The following CMTM7 variants were observed in gnomAD, a reference collection of about 807,000 sequenced individuals.
The protein encoded by CMTM7 is CKLF like MARVEL transmembrane domain containing 7.
In CMTM7, 7 loss-of-function variants were observed where a neutral mutation model predicts 19.3. The observed-to-expected ratio is 0.36, with a 90% CI of 0.21 to 0.68. The LOEUF (loss-of-function observed/expected upper bound fraction) is 0.68, where lower values mean the gene tolerates loss of function less well. Ranked by LOEUF, CMTM7 falls within the 30% of genes least tolerant of loss-of-function variation. CMTM7 has a pLI of 0.60. For missense variants in CMTM7, 193 were observed against 232.6 expected (o/e 0.83, Z 1.11); for synonymous variants, 87 against 99.3 (o/e 0.88, Z 0.74).
intron 1 of CMTM7, among the ~76,000 whole-genome samples, chr3:32,434,606 CTTT>C (rs56672577): frequency 0.014 from 800 of 57,680 alleles, 9 homozygotes; most frequent in African/African-American, 0.044. Flanking sequence ...CTTTTCTTTT[CTTT>C]TTTTTTTTTT....
chr3:32,394,986 G>A (rs929914382), intron 1 of CMTM7, among the ~76,000 whole-genome samples: 2 of 151,190 alleles, frequency 1.3e-5, no homozygotes, highest in African/African-American at 4.9e-5. Flanking sequence ...GTGAGCTGCC[G>A]CGCTCGGCTA....
At chr3:32,407,970 A>G (rs1002803196) in intron 1 of CMTM7, among the ~76,000 whole-genome samples, 1 of 152,150 alleles carries the variant, frequency 6.6e-6, no homozygotes, top group Non-Finnish European at 1.5e-5. Context: ...TACTTGGAAA[A>G]ACCGTCTTCT....
chr3:32,426,105 A>G (rs1696428579), intron 1 of CMTM7, among the ~76,000 whole-genome samples: 1 of 152,206 alleles, frequency 6.6e-6, no homozygotes, highest in Non-Finnish European at 1.5e-5. Flanking sequence ...AGATCGCACC[A>G]TTGCACTCCA....
At chr3:32,453,594 G>A (rs1696867673) in intron 4 of CMTM7, among the ~76,000 whole-genome samples, 1 of 152,130 alleles carries the variant, frequency 6.6e-6, no homozygotes, top group African/African-American at 2.4e-5. Context: ...CCCATGTAGT[G>A]TAGGATTCCA....
intron 1 of CMTM7, among the ~76,000 whole-genome samples, chr3:32,433,978 A>G (rs1287698614): frequency 6.6e-6 from 1 of 152,076 alleles, no homozygotes; most frequent in Non-Finnish European, 1.5e-5. Flanking sequence ...ACCTGAGGTC[A>G]GGAGTTTGAG....
In CMTM7 at chr3:32,417,284, AG is replaced by A. The variant is rs1393025130; in HGVS notation, c.160-24555del. Among the ~76,000 whole-genome samples, 33 of 152,316 alleles carry A rather than the reference AG, an allele frequency of 2.2e-4. 1 individual carries two copies. In the Middle Eastern group the frequency reaches 0.017, roughly 78 times the overall value. On this transcript the variant is annotated intron_variant, in intron 1 of 4. Transcript: ENST00000334983. The stretch of plus-strand genomic sequence containing the variant: ...CCATTGATCTGTCTTCCATCCCTAT[AG>A]TTTTACTGTTTCCAGAATGTCGTAT...
intron 1 of CMTM7, 150 bp from the exon 2 acceptor site, chr3:32,441,690 C>A: frequency 1.5e-6 from 1 of 667,836 alleles, no homozygotes; most frequent in Non-Finnish European, 2.6e-6. Context: ...TCCAACCTTC[C>A]AGCCAGTGTG....
intron 1 of CMTM7, among the ~76,000 whole-genome samples, chr3:32,401,626 ACAGCCAT>A: frequency 6.6e-6 from 1 of 152,214 alleles, no homozygotes; most frequent in South Asian, 2.1e-4. Flanking sequence ...GCGCCACTGG[ACAGCCAT>A]CTGTTTCCTC....
At chr3:32,410,782 G>A (rs534503028) in intron 1 of CMTM7, among the ~76,000 whole-genome samples, 1 of 152,144 alleles carries the variant, frequency 6.6e-6, no homozygotes, top group Non-Finnish European at 1.5e-5. Flanking sequence ...GAGTTGACAG[G>A]TTTCGACAGA....
intron 1 of CMTM7, among the ~76,000 whole-genome samples, chr3:32,416,380 T>C (rs1696264503): frequency 2.0e-5 from 2 of 98,544 alleles, no homozygotes; most frequent in African/African-American, 4.2e-5. Context: ...TTTTTTTTTT[T>C]TTTTTTTTTT....
At chr3:32,420,768 G>A (rs1378080135) in intron 1 of CMTM7, among the ~76,000 whole-genome samples, 1 of 152,210 alleles carries the variant, frequency 6.6e-6, no homozygotes, top group East Asian at 1.9e-4. Context: ...CTGGGGAGTT[G>A]TTCCTCAGAA....
At chr3:32,439,732 C>T (rs1012762849) in intron 1 of CMTM7, among the ~76,000 whole-genome samples, 2 of 152,206 alleles carry the variant, frequency 1.3e-5, no homozygotes, top group African/African-American at 4.8e-5. Flanking sequence ...GGATTGCAGG[C>T]GTGAGCCTGG....
chr3:32,421,082 C>A (rs1696336086), intron 1 of CMTM7, among the ~76,000 whole-genome samples: 1 of 151,838 alleles, frequency 6.6e-6, no homozygotes, highest in African/African-American at 2.4e-5. Flanking sequence ...CACCCAGCTC[C>A]TCTCCCTTTT....
chr3:32,411,299 AAGAACTCTTTTAGATT>A (rs1241419976), intron 1 of CMTM7, among the ~76,000 whole-genome samples: 2 of 152,242 alleles, frequency 1.3e-5, no homozygotes, highest in Non-Finnish European at 2.9e-5. Flanking sequence ...TGCTTATTGA[AAGAACTCTTTTAGATT>A]TAATTAAATA....
At chr3:32,448,565 A>G (rs1424649038) in intron 2 of CMTM7, among the ~76,000 whole-genome samples, 1 of 152,194 alleles carries the variant, frequency 6.6e-6, no homozygotes, top group East Asian at 1.9e-4. Flanking sequence ...GGGGAAGAGA[A>G]AGGGTGAGAT....
rs752372954 is a variant in CMTM7, at chr3:32,454,284, G to C, written c.*30G>C. 3 of 1,613,934 alleles carry C rather than the reference G, an allele frequency of 1.9e-6. No individual in the cohort carries two copies. The highest frequency in any genetic ancestry group is 2.5e-6 in the Non-Finnish European group (3 of 1,179,872). ...GCCACAACCCCTAGGCCCCTCAGGA[G>C]CTTTGCAGAGAGGAGGACGTGTACT... On this transcript the variant is annotated 3_prime_UTR_variant, in exon 5 of 5. Transcript: ENST00000334983.
At chr3:32,415,010 G>A (rs1334764285) in intron 1 of CMTM7, among the ~76,000 whole-genome samples, 1 of 152,042 alleles carries the variant, frequency 6.6e-6, no homozygotes, top group Non-Finnish European at 1.5e-5. Context: ...CTTCTGTAGA[G>A]GCCAAGGTTG....
intron 1 of CMTM7, among the ~76,000 whole-genome samples, chr3:32,416,663 T>G (rs939039367): frequency 1.3e-5 from 2 of 152,142 alleles, no homozygotes; most frequent in African/African-American, 4.8e-5. Context: ...GTGCTGGGAT[T>G]ACAGGCGTGA....
rs145743710 is a variant in CMTM7 at position 32,425,522 on chromosome 3, T to G, written c.160-16318T>G. Among the ~76,000 whole-genome samples the G allele has an allele frequency of 4.3e-4, 66 of 152,146 alleles. No homozygotes were observed. In the East Asian group the frequency reaches 0.012, roughly 28 times the overall value. ...AAAAAAAAAATAAAAGAGCATTTAA[T>G]GTATTTTCTAAATTTTTCCCATTTG... On this transcript the variant is annotated intron_variant, in intron 1 of 4. Coordinates refer to ENST00000334983, the MANE Select transcript of CMTM7 (RefSeq NM_138410.4).
Sources: gnomAD v4.1 joint callset for allele counts (sites outside exome capture counted in the v4.1 genomes callset) on GRCh38, gnomAD v4.1.1 for gene constraint, MANE v1.5 for transcripts, NCBI Gene and HGNC (gene_info 2026-07-23, HGNC 2026-07-21) for gene names.